LPP: variants seen among roughly 807,000 people sequenced by gnomAD.
LPP encodes the protein lipoma-preferred partner.
Under a neutral mutation model 60.4 loss-of-function variants are expected in LPP, and 38 were observed. That is an observed-to-expected ratio of 0.63 (90% confidence interval 0.49 to 0.83). The LOEUF (loss-of-function observed/expected upper bound fraction) is 0.83. Among genes scored for constraint, LPP ranks in the 40% least tolerant of loss-of-function variants. The pLI, the probability that LPP is intolerant of heterozygous loss-of-function variation, is 0.00. For synonymous variants in LPP, 328 were observed against 290.8 expected (o/e 1.13, Z -1.30); for missense variants, 902 against 783.6 (o/e 1.15, Z -1.80).
chr3:188,611,222 AG>A (rs1312617764), intron 7 of LPP, among the ~76,000 whole-genome samples: 2 of 152,194 alleles, frequency 1.3e-5, no homozygotes, highest in Middle Eastern at 3.2e-3. Context: ...GAAATTGGCC[AG>A]CCATGATCCC....
intron 4 of LPP, among the ~76,000 whole-genome samples, chr3:188,421,841 A>G (rs6789800): frequency 0.3 from 46,136 of 152,024 alleles, 7,344 homozygotes; most frequent in African/African-American, 0.36. Context: ...AAAATGCTGA[A>G]GGAACAAATA....
At chr3:188,241,188 G>A (rs567156323) in intron 2 of LPP, among the ~76,000 whole-genome samples, 1 of 152,304 alleles carries the variant, frequency 6.6e-6, no homozygotes, top group African/African-American at 2.4e-5. Flanking sequence ...TGGTGGGTAT[G>A]GATAGAACTA....
At chr3:188,800,241 G>C (rs1404974383) in intron 9 of LPP, among the ~76,000 whole-genome samples, 2 of 87,602 alleles carry the variant, frequency 2.3e-5, no homozygotes, top group Non-Finnish European at 4.6e-5. Context: ...AAATGTTGAA[G>C]CTTTCTTTTT....
chr3:188,869,511 G>A (rs772936819), intron 10 of LPP, among the ~76,000 whole-genome samples: 12 of 152,146 alleles, frequency 7.9e-5, no homozygotes, highest in Non-Finnish European at 1.6e-4. Context: ...GGCTGGTCTT[G>A]AACTCTTGAC....
chr3:188,885,013 C>G lies in LPP; in HGVS notation c.*10534C>G. The G allele has an allele frequency of 4.7e-6, 1 of 213,378 alleles. No individual in the cohort carries two copies. The highest frequency in any genetic ancestry group is 9.5e-6 in the Non-Finnish European group (1 of 105,494). 13.2% of individuals were successfully genotyped at this position (213,378 alleles called of 1,614,324 possible). A position where few individuals can be genotyped will look rare whatever the true frequency, so the allele number is the denominator to read the frequency against. On this transcript the variant is annotated 3_prime_UTR_variant, in exon 12 of 12. Coordinates refer to ENST00000617246, the MANE Select transcript of LPP (RefSeq NM_001375462.1). ...TTGGTACCATGTTGTTTTCAAAAAA[C>G]CTCCTAGAAAGTCTCCATGTATGCT...
intron 2 of LPP, among the ~76,000 whole-genome samples, chr3:188,302,208 C>A (rs918660797): frequency 6.6e-6 from 1 of 152,078 alleles, no homozygotes; most frequent in Admixed American, 6.5e-5. Context: ...AATGTAATTT[C>A]TATTATCCCA....
chr3:188,707,592 C>A (rs553204490), intron 7 of LPP, among the ~76,000 whole-genome samples: 1 of 152,300 alleles, frequency 6.6e-6, no homozygotes, highest in South Asian at 2.1e-4. Flanking sequence ...ACTTCCTTAA[C>A]TGGAACAAAA....
At chr3:188,457,226 A>G (rs1797929180) in intron 4 of LPP, among the ~76,000 whole-genome samples, 1 of 152,132 alleles carries the variant, frequency 6.6e-6, no homozygotes, top group African/African-American at 2.4e-5. Context: ...GATCTGGCAA[A>G]GGAGACATTT....
intron 3 of LPP, among the ~76,000 whole-genome samples, chr3:188,390,101 C>T (rs1439904843): frequency 6.6e-6 from 1 of 152,102 alleles, no homozygotes; most frequent in African/African-American, 2.4e-5. Context: ...GAGGTAGAAG[C>T]GTCATTTTCT....
intron 9 of LPP, among the ~76,000 whole-genome samples, chr3:188,836,098 T>G (rs1384779331): frequency 6.6e-6 from 1 of 152,256 alleles, no homozygotes; most frequent in African/African-American, 2.4e-5. Flanking sequence ...GGATCATGTT[T>G]GGCTTTTCAA....
At chr3:188,423,941 C>T (rs1161367182) in intron 4 of LPP, among the ~76,000 whole-genome samples, 3 of 151,756 alleles carry the variant, frequency 2.0e-5, no homozygotes, top group Admixed American at 6.6e-5. Flanking sequence ...TTTTGCTGTG[C>T]AGAAGCTCTT....
At chr3:188,380,223 T>G (rs1776490638) in intron 3 of LPP, among the ~76,000 whole-genome samples, 1 of 152,260 alleles carries the variant, frequency 6.6e-6, no homozygotes, top group Non-Finnish European at 1.5e-5. Flanking sequence ...ATTTGTTTTC[T>G]GTTATAATTA....
At chr3:188,581,651 C>G (rs559336968) in intron 6 of LPP, among the ~76,000 whole-genome samples, 1 of 152,080 alleles carries the variant, frequency 6.6e-6, no homozygotes, top group African/African-American at 2.4e-5. Flanking sequence ...TCATCTGTAA[C>G]TCTCATCTCC....
intron 4 of LPP, among the ~76,000 whole-genome samples, chr3:188,459,686 G>A (rs9825381): frequency 0.19 from 28,614 of 151,914 alleles, 2,722 homozygotes; most frequent in East Asian, 0.23. Flanking sequence ...AAAATTCTTC[G>A]AATTCATTGT....
At chr3:188,622,885 A>C (rs953011723) in intron 7 of LPP, among the ~76,000 whole-genome samples, 1 of 151,930 alleles carries the variant, frequency 6.6e-6, no homozygotes. Context: ...AAAATTAGCC[A>C]GGCGTGGTGG....
chr3:188,789,540 T>C (rs1367930552), intron 9 of LPP, among the ~76,000 whole-genome samples: 1 of 152,220 alleles, frequency 6.6e-6, no homozygotes, highest in Non-Finnish European at 1.5e-5. Flanking sequence ...AACATTCACG[T>C]AAATAAATCT....
At chr3:188,721,088 T>G (rs914386524) in intron 8 of LPP, among the ~76,000 whole-genome samples, 1 of 152,206 alleles carries the variant, frequency 6.6e-6, no homozygotes, top group Non-Finnish European at 1.5e-5. Flanking sequence ...TTACCATATA[T>G]GTAAACTATC....
intron 3 of LPP, among the ~76,000 whole-genome samples, chr3:188,366,957 T>C (rs937997075): frequency 2.0e-5 from 3 of 151,712 alleles, no homozygotes; most frequent in Non-Finnish European, 4.4e-5. Flanking sequence ...AGTGCAGTGG[T>C]GCGATCTCGC....
chr3:188,665,384 G>C (rs1330281091), intron 7 of LPP, among the ~76,000 whole-genome samples: 1 of 151,278 alleles, frequency 6.6e-6, no homozygotes, highest in Admixed American at 6.6e-5. Flanking sequence ...CTATGTGTTT[G>C]TCTGAGTAGT....
Sources: allele counts gnomAD v4.1 joint callset (sites outside exome capture counted in the v4.1 genomes callset), GRCh38; gene constraint gnomAD v4.1.1; transcripts MANE v1.5; gene names NCBI Gene and HGNC (gene_info 2026-07-23, HGNC 2026-07-21).